The following FTCDNL1 variants were observed in gnomAD, a reference collection of about 807,000 sequenced individuals.
FTCDNL1 encodes the protein formiminotransferase cyclodeaminase N-terminal like, also known as formiminotransferase N-terminal subdomain-containing protein.
Under a neutral mutation model 5.9 loss-of-function variants are expected in FTCDNL1, and 11 were observed. The ratio of observed to expected loss-of-function variants is 1.87; its 90% CI spans 1.18 to 3.10. The LOEUF (loss-of-function observed/expected upper bound fraction) is 3.10. Ranked by LOEUF, FTCDNL1 falls within the 30% of genes most tolerant of loss-of-function variation. The pLI, the probability that FTCDNL1 is intolerant of heterozygous loss-of-function variation, is 0.00. For synonymous variants in FTCDNL1, 58 were observed against 24.8 expected (o/e 2.34, Z -3.99); for missense variants, 115 against 65.5 (o/e 1.76, Z -2.61).
At chr2:199,771,389 G>C (rs1245359948) in intron 3 of FTCDNL1, among the ~76,000 whole-genome samples, 1 of 152,138 alleles carries the variant, frequency 6.6e-6, no homozygotes. Context: ...AATGTCAGCA[G>C]TATCCAGTTG....
rs34781142 is a variant in FTCDNL1 at position 199,842,938 on chromosome 2, C to CAA, written c.211+3135_211+3136dup. On this transcript the variant is annotated intron_variant, in intron 3 of 4. Transcript: ENST00000420128. The stretch of plus-strand genomic sequence containing the variant: ...ATAAGAATGCCTGAGCATGCTGTTA[C>CAA]AAAAAAAAAAAAAAAACTTAAAAAA... 1.6e-3 allele frequency among the ~76,000 whole-genome samples: 171 copies of CAA among 104,432 alleles called. 1 individual carries two copies. Among genetic ancestry groups the CAA allele is most frequent in the Non-Finnish European group, 2.0e-3 (104 of 53,256 alleles). 68.5% of individuals were successfully genotyped at this position (104,432 alleles called of 152,430 possible).
intron 3 of FTCDNL1, among the ~76,000 whole-genome samples, chr2:199,793,911 G>T (rs1263133858): frequency 6.6e-6 from 1 of 152,136 alleles, no homozygotes; most frequent in Non-Finnish European, 1.5e-5. Flanking sequence ...TCTCCGCAAG[G>T]TTAGTTCAAA....
At chr2:199,842,487 T>G (rs1450887467) in intron 3 of FTCDNL1, among the ~76,000 whole-genome samples, 1 of 152,138 alleles carries the variant, frequency 6.6e-6, no homozygotes, top group Non-Finnish European at 1.5e-5. Flanking sequence ...TAAAATGATA[T>G]GCAAAATTAT....
chr2:199,715,765 T>C, the FTCDNL1 span, among the ~76,000 whole-genome samples: 3 of 151,868 alleles, frequency 2.0e-5, no homozygotes, highest in African/African-American at 7.3e-5. Flanking sequence ...CAAGAAAACA[T>C]AGCTTGTAAG....
At chr2:199,808,723 C>G (rs1409352913), downstream of FTCDNL1, among the ~76,000 whole-genome samples, 1 of 152,190 alleles carries the variant, frequency 6.6e-6, no homozygotes, top group Non-Finnish European at 1.5e-5. Context: ...AATACTGATG[C>G]TCAAAACTAA....
chr2:199,834,273 GC>G (rs1702564254), intron 3 of FTCDNL1, among the ~76,000 whole-genome samples: 1 of 152,164 alleles, frequency 6.6e-6, no homozygotes, highest in African/African-American at 2.4e-5. Context: ...CAACCCTGCT[GC>G]CACCCTGATC....
intron 3 of FTCDNL1, among the ~76,000 whole-genome samples, chr2:199,842,136 T>C (rs1223945646): frequency 6.6e-6 from 1 of 150,536 alleles, no homozygotes; most frequent in East Asian, 1.9e-4. Context: ...GGTATGGCAG[T>C]GCACACCTAT....
chr2:199,760,796 C>T (rs978080989), exon 4 of FTCDNL1: 3 of 702,168 alleles, frequency 4.3e-6, no homozygotes, highest in Non-Finnish European at 7.8e-6. Context: ...ATGTCGACCT[C>T]GCAACAGCAC....
At chr2:199,707,080 T>A in the FTCDNL1 span, among the ~76,000 whole-genome samples, 3 of 152,224 alleles carry the variant, frequency 2.0e-5, no homozygotes. Context: ...TTATCACTTA[T>A]ATATATCCCA....
intron 3 of FTCDNL1, among the ~76,000 whole-genome samples, chr2:199,832,757 T>C (rs1559234167): frequency 6.6e-6 from 1 of 152,092 alleles, no homozygotes; most frequent in Non-Finnish European, 1.5e-5. Flanking sequence ...GGAGAATCAC[T>C]AAAAATAATG....
chr2:199,758,718 C>T (rs560699617), downstream of FTCDNL1, among the ~76,000 whole-genome samples: 11 of 152,260 alleles, frequency 7.2e-5, no homozygotes, highest in South Asian at 2.3e-3. Context: ...ATACGCATCC[C>T]CTGAAAGCTT....
At chr2:199,792,480 G>A (rs116483900) in intron 3 of FTCDNL1, among the ~76,000 whole-genome samples, 2 of 152,054 alleles carry the variant, frequency 1.3e-5, no homozygotes, top group Non-Finnish European at 2.9e-5. Context: ...ATACTTAGGG[G>A]GTTGTATATT....
At chr2:199,772,823 G>C (rs181768764) in intron 3 of FTCDNL1, among the ~76,000 whole-genome samples, 1 of 152,152 alleles carries the variant, frequency 6.6e-6, no homozygotes, top group Non-Finnish European at 1.5e-5. Context: ...AACCACTTCC[G>C]CTTCTCCTTT....
chr2:199,698,404 T>A, the FTCDNL1 span, among the ~76,000 whole-genome samples: 34 of 152,198 alleles, frequency 2.2e-4, no homozygotes, highest in Middle Eastern at 3.4e-3. Flanking sequence ...TTCTCGAAAA[T>A]TTTTTAAAAA....
chr2:199,677,073 C>T, the FTCDNL1 span, among the ~76,000 whole-genome samples: 1 of 152,094 alleles, frequency 6.6e-6, no homozygotes, highest in African/African-American at 2.4e-5. Flanking sequence ...AGTTACAGGG[C>T]CCTGGAGAAG....
chr2:199,731,142 A>G, the FTCDNL1 span, among the ~76,000 whole-genome samples: 1 of 152,194 alleles, frequency 6.6e-6, no homozygotes, highest in African/African-American at 2.4e-5. Flanking sequence ...GAGTTGAACA[A>G]TGAGATCACA....
At chr2:199,685,930 T>C in the FTCDNL1 span, among the ~76,000 whole-genome samples, 2 of 152,246 alleles carry the variant, frequency 1.3e-5, no homozygotes, top group South Asian at 2.1e-4. Flanking sequence ...GTTTACTTCA[T>C]GTGTGAGAAA....
chr2:199,793,225 G>C (rs1326808817), intron 3 of FTCDNL1, among the ~76,000 whole-genome samples: 1 of 152,112 alleles, frequency 6.6e-6, no homozygotes, highest in Non-Finnish European at 1.5e-5. Context: ...AGTGGAAATG[G>C]AAATAATACA....
At chr2:199,803,384 A>G (rs555421396) in intron 3 of FTCDNL1, among the ~76,000 whole-genome samples, 3 of 152,232 alleles carry the variant, frequency 2.0e-5, no homozygotes, top group South Asian at 4.1e-4. Flanking sequence ...ACTAGAGGTG[A>G]AGGCCCATCA....
Sources: allele counts gnomAD v4.1 joint callset (sites outside exome capture counted in the v4.1 genomes callset), GRCh38; gene constraint gnomAD v4.1.1; transcripts MANE v1.5; gene names NCBI Gene and HGNC (gene_info 2026-07-23, HGNC 2026-07-21).